The following STX16 variants were observed in gnomAD, a reference collection of about 807,000 sequenced individuals.
STX16 encodes syntaxin-16.
A neutral mutation model predicts 42.7 loss-of-function variants in STX16; 28 were observed. That is an observed-to-expected ratio of 0.66 (90% CI 0.49 to 0.90). STX16 has a LOEUF of 0.90. Among genes scored for constraint, STX16 ranks in the 40% least tolerant of loss-of-function variants. The pLI, the probability that STX16 is intolerant of heterozygous loss-of-function variation, is 0.00. For synonymous variants in STX16, 156 were observed against 155.2 expected (o/e 1.00, Z -0.04); for missense variants, 361 against 420.9 (o/e 0.86, Z 1.24).
At position 58,676,367 on chromosome 20, in the gene STX16, T is replaced by C; in HGVS notation, c.*76T>C. The C allele has an allele frequency of 7.4e-7, 1 of 1,348,680 alleles. No homozygotes were observed. The highest frequency in any genetic ancestry group is 1.1e-6 in the Non-Finnish European group (1 of 940,856). 83.5% of individuals were successfully genotyped at this position (1,348,680 alleles called of 1,614,324 possible). A position where few individuals can be genotyped will look rare whatever the true frequency, so the allele number is the denominator to read the frequency against. ...GGGGCTTGGCCTGCGCCCCGCCAGC[T>C]GCCCGCAGAGGTGCAGCCTCGAGGA... On this transcript the variant is annotated 3_prime_UTR_variant, in exon 9 of 9. Coordinates refer to ENST00000371141, the MANE Select transcript of STX16 (RefSeq NM_001001433.3).
In STX16 at chr20:58,672,678, G is replaced by A. The variant is rs114249051; in HGVS notation, c.793-953G>A. On this transcript the variant is annotated intron_variant, in intron 7 of 8. Transcript: ENST00000371141. The stretch of plus-strand genomic sequence containing the variant: ...CTAATATTCTCTTCCCATGCCTCGA[G>A]GGTACTCATGTGAGCACCCTACTCT... 4.9e-3 allele frequency among the ~76,000 whole-genome samples: 750 copies of A among 152,188 alleles called. 7 individuals carry two copies. Among genetic ancestry groups the A allele is most frequent in the African/African-American group, 0.017 (717 of 41,514 alleles).
At chr20:58,660,077 A>G (rs1459749304) in intron 2 of STX16, among the ~76,000 whole-genome samples, 2 of 151,932 alleles carry the variant, frequency 1.3e-5, no homozygotes, top group African/African-American at 4.8e-5. Context: ...CTTCCTTGTC[A>G]CTCCTGTCTG....
Position 58,668,005 on chromosome 20 carries a change from C to T in STX16, c.271C>T (p.Arg91Trp), listed in dbSNP as rs758744673. 4.3e-6 allele frequency: 7 copies of T among 1,613,994 alleles called. No individual in the cohort carries two copies. Among genetic ancestry groups the T allele is most frequent in the South Asian group, 3.3e-5 (3 of 91,090 alleles). ...TGCTTAGATTCAGTATGATGTTGGCCGGATTAAGCAGAAGATGAAAGAATT... is the reference window on the plus strand; with the variant it reads ...TGCTTAGATTCAGTATGATGTTGGCTGGATTAAGCAGAAGATGAAAGAATT... ...GVDEIQYDVG[R>W]IKQKMKELAS... Residue 91 changes from arginine to tryptophan, a missense_variant, in exon 4 of 9, where the codon CGG becomes TGG. By Grantham distance (101) the Arg-to-Trp change is moderately radical. Transcript: ENST00000371141.
At chr20:58,655,526 T>C (rs746448161) in intron 1 of STX16, among the ~76,000 whole-genome samples, 15 of 152,118 alleles carry the variant, frequency 9.9e-5, no homozygotes, top group Non-Finnish European at 2.1e-4. Flanking sequence ...AACCTAAAGG[T>C]CATTTGGCCT....
Position 58,673,618 on chromosome 20 carries a change from ATT to A in STX16, c.793-11_793-10del. On this transcript the variant is annotated splice_polypyrimidine_tract_variant and intron_variant, in intron 7 of 8. Transcript: ENST00000371141. ...CTATTGTTGATTGTCTGTAACTGTC[ATT>A]TATTACCTAGGGTACAGTCCTTGAC... The A allele has an allele frequency of 6.3e-7, 1 of 1,590,058 alleles. No individual in the cohort carries two copies. Among genetic ancestry groups the A allele is most frequent in the Non-Finnish European group, 8.6e-7 (1 of 1,159,596 alleles).
intron 7 of STX16, 112 bp downstream of exon 7, chr20:58,671,409 G>GCACACACA: frequency 2.2e-6 from 2 of 906,714 alleles, no homozygotes; most frequent in Non-Finnish European, 3.2e-6. Context: ...CCCAACATGT[G>GCACACACA]TGTGCACCTG....
chr20:58,661,920 G>A (rs763468557), intron 2 of STX16, among the ~76,000 whole-genome samples: 7 of 152,158 alleles, frequency 4.6e-5, no homozygotes, highest in Non-Finnish European at 1.0e-4. Flanking sequence ...GGCATCTGAC[G>A]GCCTCACTTC....
At position 58,668,060 on chromosome 20, in the gene STX16, G is replaced by T. The variant is rs2083878738; in HGVS notation, c.326G>T (p.Arg109Ile). Residue 109 changes from arginine (R) to isoleucine (I), a missense_variant, in exon 4 of 9, where the codon AGA becomes ATA. Coordinates refer to ENST00000371141, the MANE Select transcript of STX16 (RefSeq NM_001001433.3). ...AGCCTTCATGACAAGCATTTAAACA[G>T]ACCCACCCTGGATGACAGCAGCGAA... ...LASLHDKHLNRPTLDDSSEEE... is the reference protein window; with the variant it reads ...LASLHDKHLNIPTLDDSSEEE... 1.2e-6 allele frequency: 2 copies of T among 1,614,094 alleles called. No individual in the cohort carries two copies. The highest frequency in any genetic ancestry group is 1.1e-5 in the South Asian group (1 of 91,084).
Position 58,657,675 on chromosome 20 carries a change from T to A in STX16, c.133-1948T>A, listed in dbSNP as rs2083611590. Among the ~76,000 whole-genome samples, 1 of 152,242 alleles carries A rather than the reference T, an allele frequency of 6.6e-6. No homozygotes were observed. Among genetic ancestry groups the A allele is most frequent in the African/African-American group, 2.4e-5 (1 of 41,474 alleles). On this transcript the variant is annotated intron_variant, in intron 1 of 8. Transcript: ENST00000371141. This position sits in a 1 kb window ranked among gnomAD's most constrained non-coding sequence, Gnocchi z 4.2. ...TGTAGTAACGTGTTTTCATTTGGCT[T>A]TATTTTGGTCTTTCTTGATGGTAAT...
chr20:58,654,208 ATCTT>A (rs1430277081), intron 1 of STX16, among the ~76,000 whole-genome samples: 1 of 152,198 alleles, frequency 6.6e-6, no homozygotes, highest in Non-Finnish European at 1.5e-5. Context: ...ACCATTTAAA[ATCTT>A]TCTCAGATCA....
At chr20:58,652,420 C>T in intron 1 of STX16, 1 of 517,406 alleles carries the variant, frequency 1.9e-6, no homozygotes, top group Non-Finnish European at 3.6e-6. Flanking sequence ...TACAGGCCGC[C>T]TGTAATTTAC....
chr20:58,654,425 C>G lies in STX16; in HGVS notation c.132+2287C>G, dbSNP rs145536515. On this transcript the variant is annotated intron_variant, in intron 1 of 8. Transcript: ENST00000371141. ...GTTGAAGTGTTACATCTTCACTTTG[C>G]TTACAGGTGATTCGTAACAAAATCT... 2.3e-3 allele frequency among the ~76,000 whole-genome samples: 355 copies of G among 152,312 alleles called. 2 individuals carry two copies. The highest frequency in any genetic ancestry group is 8.2e-3 in the African/African-American group (340 of 41,572).
At chr20:58,670,447 T>C in intron 5 of STX16, 65 bp from the exon 6 acceptor site, 1 of 1,326,814 alleles carries the variant, frequency 7.5e-7, no homozygotes, top group Non-Finnish European at 1.1e-6. Flanking sequence ...TTCCCCCTTT[T>C]AATGGTAGAA....
chr20:58,667,740 A>G (rs1003646725), intron 3 of STX16, 143 bp downstream of exon 3: 34 of 870,370 alleles, frequency 3.9e-5, no homozygotes, highest in East Asian at 1.9e-4. Context: ...TAAGTTGTCT[A>G]TGTGTGTGTT....
chr20:58,652,619 GTTGTTTTGTT>G (rs1421416747), intron 1 of STX16, among the ~76,000 whole-genome samples: 1 of 151,922 alleles, frequency 6.6e-6, no homozygotes, highest in Non-Finnish European at 1.5e-5. Context: ...GAGTTGTGTT[GTTGTTTTGTT>G]TTGTTTTGTT....
In STX16 at chr20:58,668,743, C is replaced by G. The variant is rs532907940; in HGVS notation, c.394-548C>G. Reference sequence around the variant, plus strand: ...TCATCTGTAAAATGGGACTAATAATCATAGTACCATCCTCATAGGATGCTT... The same window carrying G: ...TCATCTGTAAAATGGGACTAATAATGATAGTACCATCCTCATAGGATGCTT... On this transcript the variant is annotated intron_variant, in intron 4 of 8. Transcript: ENST00000371141. Among the ~76,000 whole-genome samples the G allele has an allele frequency of 2.8e-4, 42 of 151,812 alleles. 1 individual carries two copies. The South Asian group carries it at 6.7e-3, about 24-fold the overall frequency.
chr20:58,671,425 TATG>T, intron 7 of STX16, 128 bp downstream of exon 7: 1 of 467,816 alleles, frequency 2.1e-6, no homozygotes. Flanking sequence ...ACCTGTCCTT[TATG>T]TGTGTGTGGG....
Position 58,669,453 on chromosome 20 carries a change from C to T in STX16, c.556C>T (p.Arg186Cys), listed in dbSNP as rs777420310. The change falls in exon 5 of 9, where the codon CGC becomes TGC. Residue 186 changes from arginine (R) to cysteine (C), a missense_variant and splice_region_variant. By Grantham distance (180) the Arg-to-Cys change is radical (BLOSUM62 -3). Transcript: ENST00000371141. ...FRHAQSGYLKRMKNREERSQH... is the reference protein window; with the variant it reads ...FRHAQSGYLKCMKNREERSQH... The stretch of plus-strand genomic sequence containing the variant: ...GCACGCACAGTCAGGCTACCTCAAA[C>T]GTGAGTGCTGCCCGGGCCTAGTGAA... 7.5e-6 allele frequency: 12 copies of T among 1,608,388 alleles called. No individual in the cohort carries two copies. Among genetic ancestry groups the T allele is most frequent in the East Asian group, 2.2e-5 (1 of 44,810 alleles).
chr20:58,658,390 A>G (rs2083625494), intron 1 of STX16, among the ~76,000 whole-genome samples: 1 of 152,242 alleles, frequency 6.6e-6, no homozygotes, highest in African/African-American at 2.4e-5. Flanking sequence ...AATATCGTCT[A>G]GTACTACTAT....
Sources: allele counts gnomAD v4.1 joint callset (sites outside exome capture counted in the v4.1 genomes callset), GRCh38; gene constraint gnomAD v4.1.1; non-coding constraint Gnocchi (gnomAD v3.1); transcripts MANE v1.5; gene names NCBI Gene and HGNC (gene_info 2026-07-23, HGNC 2026-07-21).